Variants in MEMO1 observed in about 807,000 individuals in gnomAD.
MEMO1 encodes mediator of cell motility 1.
A neutral mutation model predicts 45.2 loss-of-function variants in MEMO1; 6 were observed. The observed-to-expected ratio is 0.13, with a 90% CI of 0.07 to 0.26. The LOEUF is 0.26. Among genes scored for constraint, MEMO1 ranks in the 10% least tolerant of loss-of-function variants. The pLI is 1.00. For synonymous variants in MEMO1, 78 were observed against 124.3 expected (o/e 0.63, Z 2.48); for missense variants, 184 against 370.5 (o/e 0.50, Z 4.13).
At chr2:31,964,186 G>A (rs990532604) in intron 2 of MEMO1, among the ~76,000 whole-genome samples, 1 of 151,700 alleles carries the variant, frequency 6.6e-6, no homozygotes, top group African/African-American at 2.4e-5. Context: ...CAGCCTCCAC[G>A]GTATGAGGAT....
chr2:31,971,256 CT>C (rs201840822), intron 2 of MEMO1, among the ~76,000 whole-genome samples: 8 of 151,098 alleles, frequency 5.3e-5, no homozygotes, highest in Non-Finnish European at 5.9e-5. Context: ...AAGCATAAAC[CT>C]TTTTTTTTGA....
rs986794983 is a variant in MEMO1 at position 31,967,420 on chromosome 2, G to A, written c.62-24037C>T. Among the ~76,000 whole-genome samples the A allele has an allele frequency of 4.6e-5, 7 of 152,118 alleles. No individual in the cohort carries two copies. The East Asian group carries it at 5.8e-4, about 13-fold the overall frequency. On this transcript the variant is annotated intron_variant, in intron 2 of 9. Transcript: ENST00000404530. ...ATTACAGGCGTGAGCCACCGCGCCCGGCCAATAGTCAGTAACTATTTTTAA... is the reference window on the plus strand; with the variant it reads ...ATTACAGGCGTGAGCCACCGCGCCCAGCCAATAGTCAGTAACTATTTTTAA...
chr2:32,001,069 C>T (rs1451015453), intron 2 of MEMO1, among the ~76,000 whole-genome samples: 5 of 127,300 alleles, frequency 3.9e-5, no homozygotes, highest in Middle Eastern at 7.8e-3. Flanking sequence ...ACAGGAGTCT[C>T]GCTCTCTCAC....
intron 2 of MEMO1, among the ~76,000 whole-genome samples, chr2:31,955,500 A>G (rs1297097320): frequency 6.6e-6 from 1 of 152,236 alleles, no homozygotes; most frequent in Non-Finnish European, 1.5e-5. Flanking sequence ...TCAGACTCTT[A>G]GACCCTAGGT....
intron 2 of MEMO1, among the ~76,000 whole-genome samples, chr2:31,958,660 A>G (rs533806945): frequency 2.0e-5 from 3 of 152,080 alleles, no homozygotes; most frequent in South Asian, 2.1e-4. Flanking sequence ...GTTTTGTTTC[A>G]TTTTGTTTTG....
chr2:31,883,695 A>C (rs1675744857), intron 7 of MEMO1, among the ~76,000 whole-genome samples: 1 of 152,160 alleles, frequency 6.6e-6, no homozygotes, highest in Non-Finnish European at 1.5e-5. Flanking sequence ...CAAATTGTAG[A>C]AACCTTAAAA....
At chr2:31,963,364 G>A in intron 2 of MEMO1, 2 of 1,214,050 alleles carry the variant, frequency 1.6e-6, no homozygotes, top group Middle Eastern at 3.1e-4. Context: ...TACTGGTTCT[G>A]TTTCTCTGAA....
intron 3 of MEMO1, among the ~76,000 whole-genome samples, chr2:31,940,453 C>G (rs1665473896): frequency 6.6e-6 from 1 of 152,208 alleles, no homozygotes. Flanking sequence ...CACTTGTCTT[C>G]CCCTTATCAG....
chr2:31,934,928 A>G (rs550643310), intron 3 of MEMO1, among the ~76,000 whole-genome samples: 12 of 152,318 alleles, frequency 7.9e-5, no homozygotes, highest in East Asian at 7.7e-4. Context: ...CAAATGTGAT[A>G]GAGTCTAAAA....
At position 31,895,831 on chromosome 2, in the gene MEMO1, A is replaced by G. The variant is rs567552558; in HGVS notation, c.438-3697T>C. On this transcript the variant is annotated intron_variant, in intron 6 of 9. Coordinates refer to ENST00000404530, the MANE Select transcript of MEMO1 (RefSeq NM_001301833.4). ...AACAGCTGAAAACAAAACACAAGAA[A>G]AAAATCTTTTTTTTTTTTTTTTTTT... Among the ~76,000 whole-genome samples, 5 of 151,622 alleles carry G rather than the reference A, an allele frequency of 3.3e-5. No individual in the cohort carries two copies. In the East Asian group the frequency reaches 9.7e-4, roughly 29 times the overall value.
chr2:32,009,529 G>A (rs1357182158), intron 2 of MEMO1, among the ~76,000 whole-genome samples: 1 of 152,212 alleles, frequency 6.6e-6, no homozygotes, highest in Non-Finnish European at 1.5e-5. Context: ...CTGCAAGACA[G>A]CGGAGCCCCT....
At position 31,992,581 on chromosome 2, in the gene MEMO1, C is replaced by T. The variant is rs183615744; in HGVS notation, c.61+17606G>A. On this transcript the variant is annotated intron_variant, in intron 2 of 9. Transcript: ENST00000404530. The stretch of plus-strand genomic sequence containing the variant: ...GGTGGATCACCTGAGTTCAGGAGTT[C>T]GAGACCAGCCTGGCCAACATGGCAA... 7.2e-5 allele frequency among the ~76,000 whole-genome samples: 11 copies of T among 152,280 alleles called. No individual in the cohort carries two copies. In the East Asian group the frequency reaches 1.7e-3, roughly 24 times the overall value.
intron 2 of MEMO1, among the ~76,000 whole-genome samples, chr2:31,944,848 A>G (rs1459396210): frequency 2.0e-5 from 3 of 152,136 alleles, no homozygotes; most frequent in African/African-American, 4.8e-5. Context: ...ACTTTTAATC[A>G]TTAAATATTT....
In MEMO1 at chr2:31,974,687, G is replaced by A. The variant is rs149800692; in HGVS notation, c.62-31304C>T. ...TTGAACCCAGGGGGGCCAGGGTTGC[G>A]GGGAGGCACAGAGGTTGCAGTGAGC... On this transcript the variant is annotated intron_variant, in intron 2 of 9. Coordinates refer to ENST00000404530, the MANE Select transcript of MEMO1 (RefSeq NM_001301833.4). Among the ~76,000 whole-genome samples the A allele has an allele frequency of 2.8e-4, 43 of 152,058 alleles. No individual in the cohort carries two copies. In the East Asian group the frequency reaches 7.9e-3, roughly 28 times the overall value.
rs757977249 is a variant in MEMO1 at position 31,908,880 on chromosome 2, A to G, written c.437+9046T>C. Among the ~76,000 whole-genome samples, 19 of 152,354 alleles carry G rather than the reference A, an allele frequency of 1.2e-4. No homozygotes were observed. In the Middle Eastern group the frequency reaches 0.014, roughly 109 times the overall value. On this transcript the variant is annotated intron_variant, in intron 6 of 9. Transcript: ENST00000404530. ...CCCCTCCAGCCTTCTTGTCTGACCT[A>G]AAGTGGGAGAAAATCTGAGAAGAAC...
intron 5 of MEMO1, among the ~76,000 whole-genome samples, chr2:31,920,263 C>A (rs967201631): frequency 6.6e-6 from 1 of 151,384 alleles, no homozygotes; most frequent in Non-Finnish European, 1.5e-5. Flanking sequence ...ACTCTGGACG[C>A]CTATGGAAAA....
At position 32,000,465 on chromosome 2, in the gene MEMO1, C is replaced by A. The variant is rs931896677; in HGVS notation, c.61+9722G>T. 4.0e-5 allele frequency among the ~76,000 whole-genome samples: 6 copies of A among 151,344 alleles called. No individual in the cohort carries two copies. In the East Asian group the frequency reaches 9.8e-4, roughly 25 times the overall value. On this transcript the variant is annotated intron_variant, in intron 2 of 9. Transcript: ENST00000404530. ...CAGGATGGTCTCGATCTCCTGACCT[C>A]GTGATCCGCCCGCCTCGGCCTCCCA...
At chr2:31,921,812 T>A (rs1682350790) in intron 4 of MEMO1, among the ~76,000 whole-genome samples, 1 of 152,166 alleles carries the variant, frequency 6.6e-6, no homozygotes, top group African/African-American at 2.4e-5. Flanking sequence ...TCTATTCCCA[T>A]TCAAGTAGAA....
At chr2:31,877,524 A>G (rs898956530) in intron 8 of MEMO1, among the ~76,000 whole-genome samples, 5 of 152,200 alleles carry the variant, frequency 3.3e-5, no homozygotes, top group African/African-American at 1.2e-4. Flanking sequence ...TAAGTTTTGC[A>G]TTGATTTTAA....
Sources: gnomAD v4.1 joint callset for allele counts (sites outside exome capture counted in the v4.1 genomes callset) on GRCh38, gnomAD v4.1.1 for gene constraint, MANE v1.5 for transcripts, NCBI Gene and HGNC (gene_info 2026-07-23, HGNC 2026-07-21) for gene names.